Variants in SUSD4 observed in about 807,000 individuals in gnomAD.
SUSD4 encodes the protein sushi domain containing 4, also known as sushi domain-containing protein 4.
A neutral mutation model predicts 50.5 loss-of-function variants in SUSD4; 41 were observed. The observed-to-expected ratio is 0.81, with a 90% CI of 0.63 to 1.05. SUSD4 has a LOEUF of 1.05. Among genes scored for constraint, SUSD4 ranks in the 50% least tolerant of loss-of-function variants. The probability of loss-of-function intolerance (pLI) is 0.00; values close to 1 mark genes in which losing one functional copy is unlikely to be tolerated. For synonymous variants in SUSD4, 257 were observed against 257.3 expected, an observed-to-expected ratio of 1.00 and a Z score of 0.01; for missense variants, 580 against 634.7, an observed-to-expected ratio of 0.91 and a Z score of 0.93.
intron 5 of SUSD4, among the ~76,000 whole-genome samples, chr1:223,254,702 G>A (rs1251456224): frequency 6.6e-6 from 1 of 152,172 alleles, no homozygotes; most frequent in Non-Finnish European, 1.5e-5. Context: ...AAAGAAAAAA[G>A]AATAATGAAG....
At position 223,363,415 on chromosome 1, in the gene SUSD4, C is replaced by A. The variant is rs1377011487; in HGVS notation, c.11G>T (p.Gly4Val). Residue 4 changes from glycine (G) to valine (V), a missense_variant, in exon 2 of 9, where the codon GGA becomes GTA. Coordinates refer to ENST00000366878, the MANE Select transcript of SUSD4 (RefSeq NM_017982.4). MYH[G>V]MNPSNGDGFL... ...TCCATCTCCATTGCTCGGGTTCATT[C>A]CATGATACATCTTTCATCCACAGAG... 1.3e-6 allele frequency: 2 copies of A among 1,558,298 alleles called. No homozygotes were observed. Among genetic ancestry groups the A allele is most frequent in the Non-Finnish European group, 1.7e-6 (2 of 1,150,630 alleles).
intron 5 of SUSD4, among the ~76,000 whole-genome samples, chr1:223,259,222 A>T (rs753365915): frequency 3.3e-5 from 5 of 152,364 alleles, no homozygotes; most frequent in Non-Finnish European, 7.3e-5. Flanking sequence ...TACGTGAAAT[A>T]GCATATGACA....
At position 223,267,971 on chromosome 1, in the gene SUSD4, T is replaced by C. The variant is rs970000484; in HGVS notation, c.535+531A>G. Reference sequence around the variant, plus strand: ...ATAAATATTCACCAGCTTGTTCGGATGAAATTTGAATTTGATAATTTTTCT... The same window carrying C: ...ATAAATATTCACCAGCTTGTTCGGACGAAATTTGAATTTGATAATTTTTCT... On this transcript the variant is annotated intron_variant, in intron 4 of 8. Coordinates refer to ENST00000366878, the MANE Select transcript of SUSD4 (RefSeq NM_017982.4). Among the ~76,000 whole-genome samples the C allele has an allele frequency of 1.5e-4, 22 of 143,370 alleles. No individual in the cohort carries two copies. The East Asian group carries it at 4.5e-3, about 29-fold the overall frequency. The allele number at this position is 143,370 out of a possible 152,430, so 94.1% of individuals were successfully genotyped here. A position where few individuals can be genotyped will look rare whatever the true frequency, so the allele number is the denominator to read the frequency against.
intron 2 of SUSD4, among the ~76,000 whole-genome samples, chr1:223,345,946 C>T (rs1668008415): frequency 6.6e-6 from 1 of 152,182 alleles, no homozygotes; most frequent in Non-Finnish European, 1.5e-5. Context: ...AGCTCCTCCT[C>T]CTGGCTACTA....
upstream of SUSD4, chr1:223,364,319 C>G (rs1669190883): frequency 7.3e-6 from 1 of 137,156 alleles, no homozygotes; most frequent in African/African-American, 2.6e-5. The surrounding 1 kb of genome is among the most constrained non-coding windows in gnomAD (Gnocchi z 4.5). Context: ...AACTCGCGAG[C>G]GCGCGGCGGC....
At chr1:223,333,455 T>C (rs1667287870) in intron 2 of SUSD4, among the ~76,000 whole-genome samples, 1 of 152,158 alleles carries the variant, frequency 6.6e-6, no homozygotes, top group South Asian at 2.1e-4. Context: ...GTGCTTCCTG[T>C]TGAACATGGT....
intron 2 of SUSD4, 114 bp from the exon 3 acceptor site, chr1:223,292,765 T>A: frequency 9.2e-7 from 1 of 1,086,264 alleles, no homozygotes; most frequent in Non-Finnish European, 1.3e-6. Context: ...ACACTCCAGT[T>A]ACCCCACCAC....
intron 2 of SUSD4, among the ~76,000 whole-genome samples, chr1:223,317,102 T>C (rs1441237524): frequency 6.6e-6 from 1 of 152,200 alleles, no homozygotes; most frequent in Non-Finnish European, 1.5e-5. Flanking sequence ...TAAGGCATTG[T>C]AAGCCACAGG....
rs371978697 is a variant in SUSD4 at position 223,320,430 on chromosome 1, G to C, written c.149-27779C>G. 2.6e-4 allele frequency among the ~76,000 whole-genome samples: 39 copies of C among 152,152 alleles called. No homozygotes were observed. In the East Asian group the frequency reaches 4.1e-3, roughly 16 times the overall value. ...GACACTAGGCGCTCCCTCTGGGCCTGAGCTAGCTGCTCTCCTTCCACACAG... is the reference window on the plus strand; with the variant it reads ...GACACTAGGCGCTCCCTCTGGGCCTCAGCTAGCTGCTCTCCTTCCACACAG... On this transcript the variant is annotated intron_variant, in intron 2 of 8. Coordinates refer to ENST00000366878, the MANE Select transcript of SUSD4 (RefSeq NM_017982.4).
intron 2 of SUSD4, among the ~76,000 whole-genome samples, chr1:223,311,779 G>A (rs559959989): frequency 2.6e-5 from 4 of 152,294 alleles, no homozygotes; most frequent in African/African-American, 4.8e-5. Context: ...AATGCAGACT[G>A]TACTATCATT....
intron 2 of SUSD4, among the ~76,000 whole-genome samples, chr1:223,328,621 G>A (rs368991461): frequency 1.1e-4 from 17 of 152,256 alleles, no homozygotes; most frequent in African/African-American, 2.6e-4. Flanking sequence ...TGCCTCTGCC[G>A]CTCATCAAGC....
rs1553291074 is a variant in SUSD4 at position 223,268,013 on chromosome 1, T to TATATATATATATATATATATATATATATA, written c.535+488_535+489insTATATATATATATATATATATATATATAT. 3.0e-4 allele frequency among the ~76,000 whole-genome samples: 16 copies of TATATATATATATATATATATATATATATA among 53,324 alleles called. 1 individual carries two copies. Among genetic ancestry groups the TATATATATATATATATATATATATATATA allele is most frequent in the Non-Finnish European group, 4.2e-4 (14 of 32,956 alleles). 35.0% of individuals were successfully genotyped at this position (53,324 alleles called of 152,430 possible). A position where few individuals can be genotyped will look rare whatever the true frequency, so the allele number is the denominator to read the frequency against. ...AATTTTTCTGCTCTTCATGCATTTT[T>TATATATATATATATATATATATATATATA]TATATATATATATATATATATATAT... On this transcript the variant is annotated intron_variant, in intron 4 of 8. Coordinates refer to ENST00000366878, the MANE Select transcript of SUSD4 (RefSeq NM_017982.4).
intron 3 of SUSD4, among the ~76,000 whole-genome samples, chr1:223,288,759 T>C (rs1223001034): frequency 1.3e-5 from 2 of 152,236 alleles, no homozygotes; most frequent in Non-Finnish European, 2.9e-5. Context: ...TTATTTATAA[T>C]ATAAATGAAT....
At chr1:223,234,969 T>C (rs761541739) in intron 5 of SUSD4, 11 of 1,587,332 alleles carry the variant, frequency 6.9e-6, no homozygotes, top group Non-Finnish European at 8.5e-6. Context: ...AGAGATGTGG[T>C]GGTGCTAGTT....
At chr1:223,324,701 T>C (rs1398001547) in intron 2 of SUSD4, among the ~76,000 whole-genome samples, 1 of 150,654 alleles carries the variant, frequency 6.6e-6, no homozygotes, top group African/African-American at 2.4e-5. Context: ...GCAAACTTTC[T>C]TAGAGGGGCC....
intron 2 of SUSD4, among the ~76,000 whole-genome samples, chr1:223,321,480 A>G (rs1666569608): frequency 2.6e-5 from 4 of 152,162 alleles, no homozygotes; most frequent in Admixed American, 2.6e-4. Context: ...TAAGTAATCA[A>G]TATCTGTTAT....
intron 2 of SUSD4, among the ~76,000 whole-genome samples, chr1:223,361,973 G>A (rs1669006414): frequency 6.6e-6 from 1 of 152,136 alleles, no homozygotes. Flanking sequence ...TCTCCTCCAT[G>A]AAGAGGAAGC....
At chr1:223,356,390 T>A (rs1668667666) in intron 2 of SUSD4, among the ~76,000 whole-genome samples, 1 of 152,034 alleles carries the variant, frequency 6.6e-6, no homozygotes. Flanking sequence ...TCTACACACA[T>A]TCACAAATCT....
At chr1:223,347,477 A>G (rs916960046) in intron 2 of SUSD4, among the ~76,000 whole-genome samples, 5 of 151,832 alleles carry the variant, frequency 3.3e-5, no homozygotes, top group Non-Finnish European at 7.4e-5. Flanking sequence ...GAATGCCACA[A>G]CCCTCTGATT....
Sources: gnomAD v4.1 joint callset for allele counts (sites outside exome capture counted in the v4.1 genomes callset) on GRCh38, gnomAD v4.1.1 for gene constraint, Gnocchi (gnomAD v3.1) non-coding constraint, MANE v1.5 for transcripts, NCBI Gene and HGNC (gene_info 2026-07-23, HGNC 2026-07-21) for gene names.